Variants in KIZ observed in about 807,000 individuals in gnomAD.
KIZ encodes kizuna centrosomal protein, also known as centrosomal protein kizuna.
In KIZ, 68 loss-of-function variants were observed where a neutral mutation model predicts 79.6. The ratio of observed to expected loss-of-function variants is 0.85; its 90% CI spans 0.70 to 1.05. The LOEUF is 1.05. KIZ is among the 50% of genes least tolerant of loss of function. The pLI is 0.00. For synonymous variants in KIZ, 280 were observed against 281.8 expected, an observed-to-expected ratio of 0.99 and a Z score of 0.06; for missense variants, 797 against 800.4, an observed-to-expected ratio of 1.00 and a Z score of 0.05.
chr20:21,129,751 A>G (rs561167280), intron 1 of KIZ, among the ~76,000 whole-genome samples: 29 of 151,180 alleles, frequency 1.9e-4, no homozygotes, highest in Non-Finnish European at 3.1e-4. Flanking sequence ...AAATGTGTGT[A>G]TATATATATA....
chr20:21,191,197 A>T (rs1343638161), intron 6 of KIZ, among the ~76,000 whole-genome samples: 1 of 152,228 alleles, frequency 6.6e-6, no homozygotes, highest in Non-Finnish European at 1.5e-5. Flanking sequence ...TATCCATCTC[A>T]TGCATAGTGT....
chr20:21,235,554 A>G (rs1330177326), intron 11 of KIZ, among the ~76,000 whole-genome samples: 1 of 152,170 alleles, frequency 6.6e-6, no homozygotes, highest in East Asian at 1.9e-4. Context: ...TCTCCTCTGC[A>G]AACATTGTCT....
intron 6 of KIZ, among the ~76,000 whole-genome samples, chr20:21,200,341 G>A (rs1245629892): frequency 6.6e-6 from 1 of 152,130 alleles, no homozygotes; most frequent in Non-Finnish European, 1.5e-5. Context: ...CGGGTTTAGG[G>A]AGGTGTGGGC....
At chr20:21,190,903 C>T (rs1446296486) in intron 6 of KIZ, among the ~76,000 whole-genome samples, 4 of 152,118 alleles carry the variant, frequency 2.6e-5, no homozygotes, top group Non-Finnish European at 5.9e-5. Flanking sequence ...TAATGTAAAG[C>T]TGGAACTACA....
At chr20:21,170,992 A>G (rs2034181903) in intron 6 of KIZ, among the ~76,000 whole-genome samples, 1 of 152,218 alleles carries the variant, frequency 6.6e-6, no homozygotes, top group African/African-American at 2.4e-5. Context: ...GTCTATGGTT[A>G]CCTTTGTAAG....
chr20:21,217,850 A>G (rs2036356736), intron 9 of KIZ, among the ~76,000 whole-genome samples: 1 of 152,156 alleles, frequency 6.6e-6, no homozygotes, highest in Non-Finnish European at 1.5e-5. Context: ...CAAACCAGCT[A>G]TGAGGAGCCT....
At chr20:21,235,052 G>A (rs2036960037) in intron 11 of KIZ, among the ~76,000 whole-genome samples, 1 of 152,132 alleles carries the variant, frequency 6.6e-6, no homozygotes, top group Admixed American at 6.6e-5. Flanking sequence ...GCAGAATGAG[G>A]GCCAGAGGGT....
At position 21,162,045 on chromosome 20, in the gene KIZ, C is replaced by T. The variant is rs1298904418; in HGVS notation, c.580C>T (p.His194Tyr). ...KNFSIPDPHS[H>Y]RQTAQSSNVT... ...CTTTTCAATTCCTGACCCACATTCA[C>T]ACCGACAGACAGCCCAGAGCAGTAA... is the stretch of plus-strand genomic sequence containing the variant. Residue 194 changes from histidine (H) to tyrosine (Y), a missense_variant, in exon 5 of 13, where the codon CAC becomes TAC. Transcript: ENST00000619189. The T allele has an allele frequency of 6.2e-7, 1 of 1,613,874 alleles. No individual in the cohort carries two copies. The highest frequency in any genetic ancestry group is 8.5e-7 in the Non-Finnish European group (1 of 1,179,858).
chr20:21,214,737 G>A, intron 8 of KIZ, 37 bp downstream of exon 8: 2 of 1,393,120 alleles, frequency 1.4e-6, no homozygotes, highest in Non-Finnish European at 2.0e-6. Flanking sequence ...CAGCAAAAAG[G>A]CATTCAGGGT....
At chr20:21,172,832 C>T (rs1408533322) in intron 6 of KIZ, among the ~76,000 whole-genome samples, 1 of 152,122 alleles carries the variant, frequency 6.6e-6, no homozygotes, top group Non-Finnish European at 1.5e-5. Context: ...ATGTGTTTGT[C>T]TCTTAGTTTA....
chr20:21,216,166 G>T (rs1469001705), intron 9 of KIZ, among the ~76,000 whole-genome samples: 2 of 152,102 alleles, frequency 1.3e-5, no homozygotes, highest in South Asian at 2.1e-4. Flanking sequence ...CATGTATTAG[G>T]CTTGTTTAGG....
chr20:21,218,145 A>G (rs953146253), intron 9 of KIZ: 14 of 152,222 alleles, frequency 9.2e-5, no homozygotes, highest in African/African-American at 3.4e-4. Flanking sequence ...CAGGATAGTT[A>G]CCTTATCAAA....
intron 11 of KIZ, among the ~76,000 whole-genome samples, chr20:21,233,085 G>A (rs560498884): frequency 9.0e-4 from 137 of 152,308 alleles, no homozygotes; most frequent in African/African-American, 3.2e-3. Context: ...ACAAATTAGC[G>A]TCTACAGCTG....
intron 11 of KIZ, among the ~76,000 whole-genome samples, chr20:21,237,425 T>C (rs986282400): frequency 1.3e-5 from 2 of 152,088 alleles, no homozygotes; most frequent in Non-Finnish European, 2.9e-5. Flanking sequence ...GGGCCAGGAA[T>C]GAGTATCTGA....
At chr20:21,192,937 T>A (rs1336786065) in intron 6 of KIZ, among the ~76,000 whole-genome samples, 1 of 152,174 alleles carries the variant, frequency 6.6e-6, no homozygotes, top group East Asian at 1.9e-4. Flanking sequence ...GCAGTGTAAG[T>A]TGAGTTAATA....
intron 9 of KIZ, among the ~76,000 whole-genome samples, chr20:21,217,729 G>A (rs2036351743): frequency 6.6e-6 from 1 of 152,156 alleles, no homozygotes; most frequent in Non-Finnish European, 1.5e-5. Flanking sequence ...TTGTGAAAGT[G>A]CCAAGCAGAT....
At chr20:21,225,822 T>G (rs1158139752) in intron 9 of KIZ, among the ~76,000 whole-genome samples, 2 of 152,210 alleles carry the variant, frequency 1.3e-5, no homozygotes, top group Non-Finnish European at 2.9e-5. Context: ...GGAGGATGTC[T>G]GATTTGTTTG....
rs1382611692 is a variant in KIZ at position 21,156,764 on chromosome 20, G to T, written c.406-5107G>T. ...AAGTGCTTAGTGGTAGATAGGCAGG[G>T]TGTCCCAACTTACCCTCAAATGGTT... On this transcript the variant is annotated intron_variant, in intron 4 of 12. Coordinates refer to ENST00000619189, the MANE Select transcript of KIZ (RefSeq NM_018474.6). Among the ~76,000 whole-genome samples, 10 of 152,218 alleles carry T rather than the reference G, an allele frequency of 6.6e-5. No homozygotes were observed. The East Asian group carries it at 1.3e-3, about 21-fold the overall frequency.
chr20:21,149,580 T>A (rs561149375), intron 4 of KIZ, among the ~76,000 whole-genome samples: 1 of 152,338 alleles, frequency 6.6e-6, no homozygotes, highest in East Asian at 1.9e-4. Flanking sequence ...GCCACGGATC[T>A]GAGCATGTGT....
Sources: gnomAD v4.1 joint callset for allele counts (sites outside exome capture counted in the v4.1 genomes callset) on GRCh38, gnomAD v4.1.1 for gene constraint, MANE v1.5 for transcripts, NCBI Gene and HGNC (gene_info 2026-07-23, HGNC 2026-07-21) for gene names.